The following SYT9 variants were observed in gnomAD, a reference collection of about 807,000 sequenced individuals.
SYT9 encodes the protein synaptotagmin-9.
SYT9 carries 22 observed loss-of-function variants against 48.4 expected under a neutral mutation model. That is an observed-to-expected ratio of 0.45 (90% CI 0.32 to 0.65). The LOEUF (loss-of-function observed/expected upper bound fraction) is 0.65, where lower values mean the gene tolerates loss of function less well. SYT9 is among the 30% of genes least tolerant of loss of function. The pLI is 0.03. For synonymous variants in SYT9, 265 were observed against 245.0 expected (o/e 1.08, Z -0.76); for missense variants, 577 against 622.0 (o/e 0.93, Z 0.77).
chr11:7,397,550 C>T (rs907709268), intron 3 of SYT9, among the ~76,000 whole-genome samples: 22 of 152,034 alleles, frequency 1.4e-4, no homozygotes, highest in African/African-American at 5.1e-4. Flanking sequence ...ATTTCAACAT[C>T]TATGAAATAT....
chr11:7,385,377 T>C (rs1850639338), intron 3 of SYT9, among the ~76,000 whole-genome samples: 1 of 151,950 alleles, frequency 6.6e-6, no homozygotes, highest in Non-Finnish European at 1.5e-5. Context: ...TGTGCGTGTG[T>C]GTCCATGCAG....
intron 6 of SYT9, chr11:7,456,974 C>G (rs1848158838): frequency 6.6e-6 from 1 of 152,234 alleles, no homozygotes; most frequent in African/African-American, 2.4e-5. Flanking sequence ...CAAATCTGAG[C>G]ATGTAACTCT....
chr11:7,254,414 A>G (rs1001098290), intron 1 of SYT9, among the ~76,000 whole-genome samples: 23 of 152,178 alleles, frequency 1.5e-4, no homozygotes, highest in African/African-American at 5.6e-4. Context: ...CTTCATTTCC[A>G]AATCTCCCTT....
intron 3 of SYT9, among the ~76,000 whole-genome samples, chr11:7,349,367 A>G (rs1461060539): frequency 3.6e-5 from 5 of 139,948 alleles, no homozygotes; most frequent in African/African-American, 1.3e-4. Context: ...ATTTTACCAC[A>G]ATAAAAAATA....
At chr11:7,382,746 A>G (rs955836923) in intron 3 of SYT9, among the ~76,000 whole-genome samples, 15 of 152,192 alleles carry the variant, frequency 9.9e-5, no homozygotes, top group Middle Eastern at 3.2e-3. Context: ...CTAGCTGAAC[A>G]TATCATTGGC....
chr11:7,242,693 G>A (rs1193942644), intron 1 of SYT9, among the ~76,000 whole-genome samples: 3 of 152,126 alleles, frequency 2.0e-5, no homozygotes, highest in Non-Finnish European at 4.4e-5. Context: ...AATAAAGTTA[G>A]GAGTAGGTAG....
intron 6 of SYT9, among the ~76,000 whole-genome samples, chr11:7,421,091 A>C (rs895301202): frequency 3.9e-5 from 6 of 152,218 alleles, no homozygotes; most frequent in Non-Finnish European, 7.3e-5. Context: ...TATAATAAAA[A>C]CCAAAACAAC....
chr11:7,342,642 A>G (rs1393523721), intron 3 of SYT9, among the ~76,000 whole-genome samples: 1 of 152,106 alleles, frequency 6.6e-6, no homozygotes, highest in East Asian at 1.9e-4. Flanking sequence ...CAGCCTTTCC[A>G]GGTGCACAGT....
At chr11:7,389,255 C>G (rs1850717561) in intron 3 of SYT9, among the ~76,000 whole-genome samples, 1 of 152,096 alleles carries the variant, frequency 6.6e-6, no homozygotes, top group African/African-American at 2.4e-5. Flanking sequence ...GAGGATGGTA[C>G]TGGGGACCCC....
At chr11:7,355,872 C>G (rs904759335) in intron 3 of SYT9, among the ~76,000 whole-genome samples, 4 of 152,222 alleles carry the variant, frequency 2.6e-5, no homozygotes, top group African/African-American at 9.6e-5. Context: ...TCTTTGCTCC[C>G]AAATATACCA....
chr11:7,379,210 G>T (rs1168967432), intron 3 of SYT9, among the ~76,000 whole-genome samples: 1 of 152,114 alleles, frequency 6.6e-6, no homozygotes, highest in East Asian at 1.9e-4. Context: ...GACTAGACAT[G>T]CTCCCTGGGG....
At chr11:7,397,773 T>C (rs1053805716) in intron 3 of SYT9, among the ~76,000 whole-genome samples, 1 of 152,202 alleles carries the variant, frequency 6.6e-6, no homozygotes, top group Non-Finnish European at 1.5e-5. Context: ...TGTAAATGCA[T>C]TGTTAAATTT....
intron 3 of SYT9, among the ~76,000 whole-genome samples, chr11:7,394,387 G>C (rs1846704685): frequency 6.6e-6 from 1 of 152,142 alleles, no homozygotes; most frequent in African/African-American, 2.4e-5. Context: ...TTGGTTCCAA[G>C]TCTTTGCTAT....
intron 3 of SYT9, among the ~76,000 whole-genome samples, chr11:7,373,882 A>G (rs1850406395): frequency 6.6e-6 from 1 of 152,036 alleles, no homozygotes. Context: ...GAACATGTCC[A>G]ACATTCTTTT....
At chr11:7,395,405 T>G (rs1025307593) in intron 3 of SYT9, among the ~76,000 whole-genome samples, 1 of 152,046 alleles carries the variant, frequency 6.6e-6, no homozygotes, top group African/African-American at 2.4e-5. Flanking sequence ...TGTTTGTTAG[T>G]TTTCTACAAA....
chr11:7,386,445 T>G (rs1262144555), intron 3 of SYT9, among the ~76,000 whole-genome samples: 1 of 53,784 alleles, frequency 1.9e-5, no homozygotes, highest in Non-Finnish European at 5.0e-5. Flanking sequence ...TCGAACAAAT[T>G]TACAAGAAAA....
chr11:7,389,022 T>C (rs1850712940), intron 3 of SYT9, among the ~76,000 whole-genome samples: 1 of 152,176 alleles, frequency 6.6e-6, no homozygotes, highest in Non-Finnish European at 1.5e-5. Context: ...TGTGTGGTTG[T>C]TTAATAAAGG....
chr11:7,256,021 T>C (rs1008168), intron 1 of SYT9, among the ~76,000 whole-genome samples: 19,922 of 152,100 alleles, frequency 0.13, 1,315 homozygotes, highest in East Asian at 0.23. Context: ...TTGATTATAC[T>C]TTTTTTGGTC....
chr11:7,328,661 T>G (rs1589948795), intron 3 of SYT9, among the ~76,000 whole-genome samples: 1 of 152,176 alleles, frequency 6.6e-6, no homozygotes, highest in Non-Finnish European at 1.5e-5. Context: ...AAGCCAATGA[T>G]TGTTTAAATT....
Sources: gnomAD v4.1 joint callset for allele counts (sites outside exome capture counted in the v4.1 genomes callset) on GRCh38, gnomAD v4.1.1 for gene constraint, MANE v1.5 for transcripts, NCBI Gene and HGNC (gene_info 2026-07-23, HGNC 2026-07-21) for gene names.